MYH7B: variants seen among roughly 807,000 people sequenced by gnomAD.
The protein encoded by MYH7B is myosin-7B.
A neutral mutation model predicts 234.5 loss-of-function variants in MYH7B; 205 were observed. The observed-to-expected ratio is 0.87, with a 90% CI of 0.78 to 0.98. The LOEUF (loss-of-function observed/expected upper bound fraction) is 0.98, where lower values mean the gene tolerates loss of function less well. MYH7B is among the 50% of genes least tolerant of loss of function. The pLI is 0.00. For synonymous variants in MYH7B, 1,193 were observed against 1,105.0 expected, an observed-to-expected ratio of 1.08 and a Z score of -1.58; for missense variants, 2,652 against 2,633.4, an observed-to-expected ratio of 1.01 and a Z score of -0.15.
chr20:34,999,707 G>A lies in MYH7B; in HGVS notation c.4665+12G>A, dbSNP rs745980276. The A allele has an allele frequency of 3.7e-6, 6 of 1,612,500 alleles. No individual in the cohort carries two copies. In the Admixed American group the frequency reaches 1.0e-4, roughly 27 times the overall value. ...TGGAGGAGGCAGAGGTCAGGGGCTG[G>A]CTGCAGGGGTGGGTGGACACTGACC... On this transcript the variant is annotated intron_variant, in intron 37 of 44. Coordinates refer to ENST00000262873, the Ensembl canonical transcript of MYH7B.
In MYH7B at chr20:34,981,024, T is replaced by C. The variant is rs41305791; in HGVS notation, c.500-9T>C. The C allele has an allele frequency of 6.2e-7, 1 of 1,613,958 alleles. No homozygotes were observed. The highest frequency in any genetic ancestry group is 2.2e-5 in the East Asian group (1 of 44,866). On this transcript the variant is annotated splice_polypyrimidine_tract_variant and intron_variant, in intron 8 of 44. Coordinates refer to ENST00000262873, the Ensembl canonical transcript of MYH7B. ...GGCTGACTTCTCTATCCCCTTCCCT[T>C]TCCTCCAGACCGAGACAACCAGTCC... is the stretch of plus-strand genomic sequence containing the variant.
intron 2 of MYH7B, among the ~76,000 whole-genome samples, chr20:34,974,885 C>G (rs1419825480): frequency 6.6e-6 from 1 of 152,138 alleles, no homozygotes; most frequent in African/African-American, 2.4e-5. Context: ...AAGCTCCTGC[C>G]CTTGTGCAGG....
At chr20:34,994,329 G>A (rs1318519505) in exon 27 of MYH7B, 1 of 1,609,492 alleles carries the variant, frequency 6.2e-7, no homozygotes, top group East Asian at 2.2e-5. Flanking sequence ...CCGAGGCCAA[G>A]CGCCAGGAAC....
intron 16 of MYH7B, 134 bp downstream of exon 16, chr20:34,987,421 C>T (rs867041127): frequency 7.0e-7 from 1 of 1,426,276 alleles, no homozygotes; most frequent in Non-Finnish European, 9.6e-7. Flanking sequence ...CAAACCCTTA[C>T]CCTCCTGAGG....
chr20:34,995,865 G>A (rs1021586173), intron 28 of MYH7B, among the ~76,000 whole-genome samples: 2 of 152,252 alleles, frequency 1.3e-5, no homozygotes, highest in Non-Finnish European at 2.9e-5. Flanking sequence ...CCATCCCGGA[G>A]TGCAAGCCCC....
At chr20:34,999,219 AAGC>A in exon 36 of MYH7B, 1 of 1,611,544 alleles carries the variant, frequency 6.2e-7, no homozygotes, top group Non-Finnish European at 8.5e-7. Flanking sequence ...GCTGGACAAG[AAGC>A]AGCGGCACTT....
chr20:34,986,270 T>TCAGGC (rs2082021411), intron 14 of MYH7B, 72 bp downstream of exon 14: 1 of 1,215,412 alleles, frequency 8.2e-7, no homozygotes. Context: ...CTGGCCCCCA[T>TCAGGC]CAGGCCAGGC....
chr20:34,980,878 A>G (rs901584107), intron 8 of MYH7B, 144 bp downstream of exon 8: 2 of 1,481,372 alleles, frequency 1.4e-6, no homozygotes. Context: ...GTCCCTCCGC[A>G]TGGGAGCTGA....
exon 19 of MYH7B, chr20:34,988,109 G>C (rs965070875): frequency 1.2e-5 from 20 of 1,613,792 alleles, no homozygotes; most frequent in Non-Finnish European, 1.7e-5. Context: ...GCTTCGAACA[G>C]CTGTGCATCA....
At chr20:34,999,121 C>T (rs1221402000) in exon 36 of MYH7B, 2 of 1,613,502 alleles carry the variant, frequency 1.2e-6, no homozygotes, top group African/African-American at 1.3e-5. Flanking sequence ...GCCAAGTGCT[C>T]ATCGTTGGAG....
intron 14 of MYH7B, 70 bp from the exon 15 acceptor site, chr20:34,986,816 C>A: frequency 7.6e-7 from 1 of 1,324,278 alleles, no homozygotes; most frequent in Non-Finnish European, 1.1e-6. Context: ...ACCCCCTATG[C>A]TGCAATTGTT....
At chr20:34,985,750 C>T (rs2082008803) in intron 13 of MYH7B, among the ~76,000 whole-genome samples, 1 of 152,144 alleles carries the variant, frequency 6.6e-6, no homozygotes, top group Non-Finnish European at 1.5e-5. Flanking sequence ...AATTCACACC[C>T]TGACCCCTAC....
exon 39 of MYH7B, chr20:35,000,571 T>C: frequency 6.4e-7 from 1 of 1,570,914 alleles, no homozygotes; most frequent in Non-Finnish European, 8.6e-7. Context: ...CGGGCCTCGC[T>C]GCTGGCTGCG....
At chr20:34,994,038 C>A in intron 26 of MYH7B, 108 bp from the exon 27 acceptor site, 1 of 1,406,960 alleles carries the variant, frequency 7.1e-7, no homozygotes, top group Non-Finnish European at 9.8e-7. Context: ...CTATTAGGAG[C>A]TACTCCATGA....
In MYH7B at chr20:34,987,539, C is replaced by CA; in HGVS notation, c.1148-18_1148-17insA. ...CATGGTGGTGTCCTCCTCCCTTACC[C>CA]CACTCGTGCCCTGCCAGGTGCTGAC... On this transcript the variant is annotated splice_polypyrimidine_tract_variant and intron_variant, in intron 16 of 44. Transcript: ENST00000262873. 6.7e-7 allele frequency: 1 copy of CA among 1,498,640 alleles called. No homozygotes were observed. The highest frequency in any genetic ancestry group is 2.2e-5 in the African/African-American group (1 of 46,138). The allele number at this position is 1,498,640 out of a possible 1,614,324, so 92.8% of individuals were successfully genotyped here. A position where few individuals can be genotyped will look rare whatever the true frequency, so the allele number is the denominator to read the frequency against.
chr20:34,959,705 C>T (rs1007401210), intron 2 of MYH7B, among the ~76,000 whole-genome samples: 1 of 152,134 alleles, frequency 6.6e-6, no homozygotes, highest in East Asian at 1.9e-4. Context: ...TCTCGAACTC[C>T]TGACCTCGTG....
exon 8 of MYH7B, chr20:34,980,704 G>A (rs1414538631): frequency 4.3e-6 from 7 of 1,614,068 alleles, no homozygotes; most frequent in Non-Finnish European, 5.9e-6. Context: ...ATATGCGGTG[G>A]CGGACAACGC....
rs900637284 is a variant in MYH7B at position 34,968,581 on chromosome 20, G to C, written c.-221-6819G>C. On this transcript the variant is annotated intron_variant, in intron 2 of 44. Transcript: ENST00000262873. ...TGTACACCCCTTCTCCCTTACACTC[G>C]GCTAAGCCTTGTCCATGGCCCCTGC... Among the ~76,000 whole-genome samples, 3 of 152,116 alleles carry C rather than the reference G, an allele frequency of 2.0e-5. No homozygotes were observed. In the East Asian group the frequency reaches 5.8e-4, roughly 29 times the overall value.
At position 34,977,847 on chromosome 20, in the gene MYH7B, G is replaced by C. The variant is rs559674171; in HGVS notation, c.-72-87G>C. On this transcript the variant is annotated intron_variant, in intron 4 of 44. Transcript: ENST00000262873. ...GCACTCACCCAAGGAGGCTGCATTG[G>C]GAGCCAGAGGGAGTCGCCTAGTATC... 20 of 1,565,294 alleles carry C rather than the reference G, an allele frequency of 1.3e-5. No homozygotes were observed. The Admixed American group carries it at 2.5e-4, about 20-fold the overall frequency.
Sources: gnomAD v4.1 joint callset for allele counts (sites outside exome capture counted in the v4.1 genomes callset) on GRCh38, gnomAD v4.1.1 for gene constraint, MANE v1.5 for transcripts, NCBI Gene and HGNC (gene_info 2026-07-23, HGNC 2026-07-21) for gene names.